Variants in GALNT12 observed in about 807,000 individuals in gnomAD.
GALNT12 encodes polypeptide N-acetylgalactosaminyltransferase 12.
In GALNT12, 45 loss-of-function variants were observed where a neutral mutation model predicts 55.5. The ratio of observed to expected loss-of-function variants is 0.81; its 90% CI spans 0.64 to 1.04. GALNT12 has a LOEUF of 1.04. Ranked by LOEUF, GALNT12 falls within the 50% of genes least tolerant of loss-of-function variation. The pLI is 0.00. For missense variants in GALNT12, 709 were observed against 754.8 expected (o/e 0.94, Z 0.71); for synonymous variants, 304 against 312.2 (o/e 0.97, Z 0.28).
intron 7 of GALNT12, among the ~76,000 whole-genome samples, chr9:98,840,715 T>C (rs895611969): frequency 6.6e-5 from 10 of 152,208 alleles, no homozygotes; most frequent in African/African-American, 2.4e-4. Context: ...TACATTCTAT[T>C]TTCATTATGA....
intron 1 of GALNT12, among the ~76,000 whole-genome samples, chr9:98,809,406 C>T (rs763520182): frequency 1.3e-5 from 2 of 152,218 alleles, no homozygotes; most frequent in Admixed American, 6.5e-5. Flanking sequence ...CGAGGGTGCC[C>T]GCTGAGGCAA....
At chr9:98,811,182 G>C (rs570552787) in intron 1 of GALNT12, among the ~76,000 whole-genome samples, 2 of 152,308 alleles carry the variant, frequency 1.3e-5, no homozygotes, top group African/African-American at 4.8e-5. Flanking sequence ...AGAAGATTTA[G>C]GGTGAGTGTT....
At chr9:98,848,685 A>G (rs1254953173) in intron 9 of GALNT12, 2 of 509,024 alleles carry the variant, frequency 3.9e-6, no homozygotes, top group African/African-American at 1.9e-5. Flanking sequence ...AGCCAAATGC[A>G]ATAGGGAGAT....
chr9:98,847,130 C>T (rs1376734870), intron 9 of GALNT12: 1 of 152,144 alleles, frequency 6.6e-6, no homozygotes, highest in Non-Finnish European at 1.5e-5. Flanking sequence ...TATCCTTTGA[C>T]TCACTAAAAA....
chr9:98,833,176 C>T (rs1247774835), intron 4 of GALNT12, among the ~76,000 whole-genome samples: 1 of 152,140 alleles, frequency 6.6e-6, no homozygotes, highest in African/African-American at 2.4e-5. Context: ...TGGCTTCTTC[C>T]TCCCCTTCCA....
rs2118470345 is a variant in GALNT12, at chr9:98,840,109, G to A, written c.1320G>A (p.Glu440=). The change falls in exon 7 of 10, where the codon GAG becomes GAA. Residue 440 remains glutamate, a synonymous_variant. Transcript: ENST00000375011. ...TGTATCCAGAACTGCATGTGCCTGA[G>A]GACAGGCCTGGCTTCTTCGGGATGG... is the stretch of plus-strand genomic sequence containing the variant. ...ETVYPELHVP[E]DRPGFFGMLQ... 6.2e-7 allele frequency: 1 copy of A among 1,613,968 alleles called. No homozygotes were observed. The highest frequency in any genetic ancestry group is 8.5e-7 in the Non-Finnish European group (1 of 1,180,000).
chr9:98,849,028 C>T lies in GALNT12; in HGVS notation c.1682C>T (p.Pro561Leu), dbSNP rs917145424. 6.2e-7 allele frequency: 1 copy of T among 1,613,986 alleles called. No homozygotes were observed. Among genetic ancestry groups the T allele is most frequent in the Non-Finnish European group, 8.5e-7 (1 of 1,179,962 alleles). The change falls in exon 10 of 10, where the codon CCA becomes CTA. Residue 561 changes from proline to leucine, a missense_variant. Transcript: ENST00000375011. ...ARKESSDSFV[P>L]LLRDCTNSDH... ...AAGGAGTCGAGTGACAGTTTCGTTC[C>T]ACTCTTACGAGACTGCACCAACTCG...
At position 98,807,703 on chromosome 9, in the gene GALNT12, G is replaced by A. The variant is rs898798901; in HGVS notation, c.5G>A (p.Trp2Ter). M[W>*]GRTARRRCPR... is the part of the protein sequence containing the mutation. ...CTGGCTGCAGTTGGCGGGCGCATGT[G>A]GGGGCGCACGGCGCGGCGGCGCTGC... The change falls in exon 1 of 10, where the codon TGG becomes TAG. Residue 2 changes from tryptophan (W) to a stop codon, truncating the protein, a stop_gained. Transcript: ENST00000375011. LOFTEE classifies it high-confidence loss of function. 5.2e-6 allele frequency: 6 copies of A among 1,152,370 alleles called. No homozygotes were observed. In the African/African-American group the frequency reaches 6.6e-5, roughly 13 times the overall value. 71.4% of individuals were successfully genotyped at this position (1,152,370 alleles called of 1,614,324 possible).
chr9:98,820,025 C>T (rs1230720415), intron 1 of GALNT12, among the ~76,000 whole-genome samples: 1 of 152,194 alleles, frequency 6.6e-6, no homozygotes, highest in Non-Finnish European at 1.5e-5. Flanking sequence ...TTCAACATTT[C>T]TAAAATTAGC....
chr9:98,815,689 A>G (rs923383581), intron 1 of GALNT12, among the ~76,000 whole-genome samples: 31 of 152,256 alleles, frequency 2.0e-4, no homozygotes, highest in African/African-American at 7.5e-4. Context: ...TTGTGATTAT[A>G]AAAATTATAG....
chr9:98,829,986 A>G (rs1835954803), intron 3 of GALNT12, among the ~76,000 whole-genome samples: 1 of 152,206 alleles, frequency 6.6e-6, no homozygotes, highest in South Asian at 2.1e-4. Context: ...TTGGATATGT[A>G]CGTAGGAGTA....
intron 4 of GALNT12, 66 bp downstream of exon 4, chr9:98,832,023 A>G: frequency 1.4e-6 from 2 of 1,398,566 alleles, no homozygotes; most frequent in Non-Finnish European, 2.0e-6. Context: ...CTGACCTGTG[A>G]GCGGAGGCCC....
chr9:98,814,266 T>A (rs1835563930), intron 1 of GALNT12, among the ~76,000 whole-genome samples: 1 of 152,190 alleles, frequency 6.6e-6, no homozygotes, highest in Non-Finnish European at 1.5e-5. Context: ...GAAATCAAGA[T>A]GCAGTGTACA....
At chr9:98,825,404 G>C (rs905155339) in intron 2 of GALNT12, among the ~76,000 whole-genome samples, 1 of 152,164 alleles carries the variant, frequency 6.6e-6, no homozygotes, top group South Asian at 2.1e-4. Context: ...ATGATGCCCT[G>C]CTTTAACCTG....
In GALNT12 at chr9:98,848,956, G is replaced by T. The variant is rs756834523; in HGVS notation, c.1610G>T (p.Gly537Val). 1.2e-6 allele frequency: 2 copies of T among 1,614,208 alleles called. No homozygotes were observed. The highest frequency in any genetic ancestry group is 2.7e-5 in the African/African-American group (2 of 75,050). The change falls in exon 10 of 10, where the codon GGA (glycine) becomes GTA (valine). Residue 537 changes from glycine (G) to valine (V), a missense_variant. Transcript: ENST00000375011. ...TCATTCTGTTATCTTTTGTAGGATGGATCTTTATTTCACGAACAGTCCAAG... is the reference window on the plus strand; with the variant it reads ...TCATTCTGTTATCTTTTGTAGGATGTATCTTTATTTCACGAACAGTCCAAG... ...ENQKFILQED[G>V]SLFHEQSKKC...
chr9:98,815,765 ACTT>A (rs1360497340), intron 1 of GALNT12, among the ~76,000 whole-genome samples: 2 of 152,246 alleles, frequency 1.3e-5, no homozygotes, highest in African/African-American at 2.4e-5. Flanking sequence ...CAATAATCTC[ACTT>A]CTTAGAGATC....
At chr9:98,820,269 C>T (rs571444530) in intron 1 of GALNT12, among the ~76,000 whole-genome samples, 1 of 152,218 alleles carries the variant, frequency 6.6e-6, no homozygotes, top group African/African-American at 2.4e-5. Context: ...ACGACAGGCC[C>T]CAGTGTGTGT....
At chr9:98,828,562 C>T (rs915791649) in intron 3 of GALNT12, among the ~76,000 whole-genome samples, 2 of 152,208 alleles carry the variant, frequency 1.3e-5, no homozygotes, top group Non-Finnish European at 2.9e-5. Flanking sequence ...TCATCCCACC[C>T]TTTGGACATG....
At chr9:98,820,844 T>A (rs1835720073) in intron 1 of GALNT12, among the ~76,000 whole-genome samples, 1 of 152,240 alleles carries the variant, frequency 6.6e-6, no homozygotes, top group Non-Finnish European at 1.5e-5. Context: ...GAATGTCGTG[T>A]CTTCCAACCC....
Sources: allele counts gnomAD v4.1 joint callset (sites outside exome capture counted in the v4.1 genomes callset), GRCh38; gene constraint gnomAD v4.1.1; transcripts MANE v1.5; gene names NCBI Gene and HGNC (gene_info 2026-07-23, HGNC 2026-07-21).